HS3ST4: variants seen among roughly 807,000 people sequenced by gnomAD.
HS3ST4 encodes the protein heparan sulfate-glucosamine 3-sulfotransferase 4, also known as heparan sulfate glucosamine 3-O-sulfotransferase 4.
A neutral mutation model predicts 29.2 loss-of-function variants in HS3ST4; 17 were observed. The ratio of observed to expected loss-of-function variants is 0.58; its 90% CI spans 0.40 to 0.87. The LOEUF is 0.87. HS3ST4 is among the 40% of genes least tolerant of loss of function. HS3ST4 has a pLI of 0.00. For missense variants in HS3ST4, 627 were observed against 634.5 expected (o/e 0.99, Z 0.13); for synonymous variants, 314 against 285.7 (o/e 1.10, Z -1.00).
At chr16:25,943,387 T>G (rs1968593285) in intron 1 of HS3ST4, among the ~76,000 whole-genome samples, 1 of 152,130 alleles carries the variant, frequency 6.6e-6, no homozygotes, top group African/African-American at 2.4e-5. Context: ...GTGTAGAGTC[T>G]CACAGTGCTT....
At chr16:25,724,750 C>T (rs938546931) in intron 1 of HS3ST4, among the ~76,000 whole-genome samples, 2 of 152,130 alleles carry the variant, frequency 1.3e-5, no homozygotes, top group African/African-American at 2.4e-5. Context: ...TAAAATTCCT[C>T]ATCCAATATT....
intron 1 of HS3ST4, among the ~76,000 whole-genome samples, chr16:25,715,790 G>T (rs935343259): frequency 6.6e-6 from 1 of 152,202 alleles, no homozygotes; most frequent in Non-Finnish European, 1.5e-5. Context: ...CAACAAAGCC[G>T]GAGTCCCTCT....
intron 1 of HS3ST4, among the ~76,000 whole-genome samples, chr16:25,930,439 T>C (rs1452395489): frequency 6.6e-6 from 1 of 152,252 alleles, no homozygotes; most frequent in African/African-American, 2.4e-5. Flanking sequence ...GAAATGTTAA[T>C]CTCTCTTCAC....
At position 26,043,310 on chromosome 16, in the gene HS3ST4, T is replaced by A. The variant is rs184419909; in HGVS notation, c.735-92302T>A. Among the ~76,000 whole-genome samples, 51 of 152,330 alleles carry A rather than the reference T, an allele frequency of 3.3e-4. No homozygotes were observed. The East Asian group carries it at 8.5e-3, about 25-fold the overall frequency. On this transcript the variant is annotated intron_variant, in intron 1 of 1. Transcript: ENST00000331351. ...TCAAATAAAAAATTAGGTAGAAGAA[T>A]CTGAACCCTTTCATGCGGGAGGATT...
chr16:25,951,596 T>G (rs1228783815), intron 1 of HS3ST4, among the ~76,000 whole-genome samples: 1 of 152,224 alleles, frequency 6.6e-6, no homozygotes, highest in Non-Finnish European at 1.5e-5. Context: ...TGTATCCCAC[T>G]TTCTACTCTC....
intron 1 of HS3ST4, among the ~76,000 whole-genome samples, chr16:26,012,674 C>T (rs940889735): frequency 2.0e-5 from 3 of 152,210 alleles, no homozygotes; most frequent in Admixed American, 2.0e-4. Flanking sequence ...TCTCTACCCC[C>T]ACATTTCAGA....
chr16:25,797,704 G>A (rs1966894851), intron 1 of HS3ST4, among the ~76,000 whole-genome samples: 1 of 152,122 alleles, frequency 6.6e-6, no homozygotes, highest in Admixed American at 6.6e-5. Context: ...CATTTACAAA[G>A]CAGGTACTTG....
chr16:25,814,040 A>G (rs746809509), intron 1 of HS3ST4, among the ~76,000 whole-genome samples: 2 of 152,226 alleles, frequency 1.3e-5, no homozygotes, highest in Non-Finnish European at 2.9e-5. Context: ...ATATTTATCT[A>G]TGATGAGTAA....
intron 1 of HS3ST4, among the ~76,000 whole-genome samples, chr16:26,110,958 C>G (rs969533677): frequency 6.6e-6 from 1 of 152,092 alleles, no homozygotes; most frequent in Non-Finnish European, 1.5e-5. Flanking sequence ...TAGTTTGTCC[C>G]TTTACTTCTT....
chr16:25,978,500 G>C (rs978772778), intron 1 of HS3ST4, among the ~76,000 whole-genome samples: 2 of 152,194 alleles, frequency 1.3e-5, no homozygotes, highest in African/African-American at 4.8e-5. Context: ...AGGGGCCATA[G>C]CTCACCAACC....
chr16:26,136,260 C>T lies in HS3ST4; in HGVS notation c.*12C>T, dbSNP rs756777988. The T allele has an allele frequency of 2.5e-6, 4 of 1,602,664 alleles. No individual in the cohort carries two copies. Among genetic ancestry groups the T allele is most frequent in the South Asian group, 2.2e-5 (2 of 89,664 alleles). On this transcript the variant is annotated 3_prime_UTR_variant, in exon 2 of 2. Transcript: ENST00000331351. ...AGGGTGATAAATGAGGCTAGAGAGG[C>T]AGAGGAAGGCTAGTCAATAAGCTAA... is the stretch of plus-strand genomic sequence containing the variant.
intron 1 of HS3ST4, among the ~76,000 whole-genome samples, chr16:25,812,320 A>G (rs551390774): frequency 6.6e-6 from 1 of 152,184 alleles, no homozygotes; most frequent in East Asian, 1.9e-4. Context: ...AGCTCACACC[A>G]CATGCTGCAG....
At chr16:25,826,782 C>T (rs995855370) in intron 1 of HS3ST4, among the ~76,000 whole-genome samples, 2 of 151,998 alleles carry the variant, frequency 1.3e-5, no homozygotes, top group Admixed American at 1.3e-4. Context: ...TAGTAATTTC[C>T]CGGGTGATTT....
intron 1 of HS3ST4, among the ~76,000 whole-genome samples, chr16:25,998,524 G>A (rs897871327): frequency 1.3e-5 from 2 of 152,254 alleles, no homozygotes; most frequent in Non-Finnish European, 2.9e-5. Context: ...CTATATTTAG[G>A]TATTTTTAGA....
At chr16:25,941,632 G>A (rs1384897140) in intron 1 of HS3ST4, among the ~76,000 whole-genome samples, 4 of 151,794 alleles carry the variant, frequency 2.6e-5, no homozygotes, top group Non-Finnish European at 5.9e-5. Context: ...GCTGGAGTGC[G>A]GTGGTGCAAT....
chr16:25,853,486 G>A lies in HS3ST4; in HGVS notation c.734+160335G>A, dbSNP rs1967542153. Among the ~76,000 whole-genome samples the A allele has an allele frequency of 2.0e-5, 3 of 152,074 alleles. No individual in the cohort carries two copies. In the South Asian group the frequency reaches 6.2e-4, roughly 32 times the overall value. ...GCATCCTTATTTTGTTCCTGATTTT[G>A]GAGGGAAGGCTTTAAGCTTTTCACT... On this transcript the variant is annotated intron_variant, in intron 1 of 1. Coordinates refer to ENST00000331351, the MANE Select transcript of HS3ST4 (RefSeq NM_006040.3).
intron 1 of HS3ST4, among the ~76,000 whole-genome samples, chr16:25,828,313 T>TTCCTTTCC (rs1206232969): frequency 8.3e-6 from 1 of 120,780 alleles, no homozygotes; most frequent in Non-Finnish European, 1.7e-5. Flanking sequence ...TCTCTCTCTC[T>TTCCTTTCC]CTCTCTCTCT....
intron 1 of HS3ST4, among the ~76,000 whole-genome samples, chr16:25,903,308 A>G (rs1191590224): frequency 2.2e-4 from 26 of 118,016 alleles, no homozygotes; most frequent in African/African-American, 2.7e-4. Context: ...GTGTGTATGT[A>G]TATGTATATA....
chr16:26,093,461 C>T (rs912163328), intron 1 of HS3ST4, among the ~76,000 whole-genome samples: 2 of 152,204 alleles, frequency 1.3e-5, no homozygotes, highest in African/African-American at 4.8e-5. Flanking sequence ...TGATGATACC[C>T]AGGCAAACAG....
Sources: allele counts gnomAD v4.1 joint callset (sites outside exome capture counted in the v4.1 genomes callset), GRCh38; gene constraint gnomAD v4.1.1; transcripts MANE v1.5; gene names NCBI Gene and HGNC (gene_info 2026-07-23, HGNC 2026-07-21).